The following ZSCAN25 variants were observed in gnomAD, a reference collection of about 807,000 sequenced individuals.
ZSCAN25 encodes zinc finger and SCAN domain containing 25, also known as zinc finger and SCAN domain-containing protein 25.
A neutral mutation model predicts 38.7 loss-of-function variants in ZSCAN25; 27 were observed. The observed-to-expected ratio is 0.70, with a 90% CI of 0.51 to 0.96. The LOEUF is 0.96. ZSCAN25 is among the 40% of genes least tolerant of loss of function. ZSCAN25 has a pLI of 0.00. For missense variants in ZSCAN25, 637 were observed against 705.9 expected (o/e 0.90, Z 1.11); for synonymous variants, 273 against 277.7 (o/e 0.98, Z 0.17).
chr7:99,725,208 T>G, the ZSCAN25 span, among the ~76,000 whole-genome samples: 1 of 152,304 alleles, frequency 6.6e-6, no homozygotes, highest in African/African-American at 2.4e-5. Flanking sequence ...GCACCTACCA[T>G]TAGATGCTTC....
chr7:99,702,621 C>G, the ZSCAN25 span, among the ~76,000 whole-genome samples: 1 of 152,130 alleles, frequency 6.6e-6, no homozygotes, highest in Admixed American at 6.5e-5. Flanking sequence ...TGTTTTTATA[C>G]AAACACCATA....
At chr7:99,635,228 A>G (rs1808224674), downstream of ZSCAN25, among the ~76,000 whole-genome samples, 1 of 152,042 alleles carries the variant, frequency 6.6e-6, no homozygotes, top group Non-Finnish European at 1.5e-5. Context: ...ACCATAAAGA[A>G]CACAGTTTCA....
At chr7:99,666,455 C>T in the ZSCAN25 span, 19 of 823,704 alleles carry the variant, frequency 2.3e-5, no homozygotes, top group African/African-American at 6.7e-5. Context: ...GGAGCCACTC[C>T]CTCTTAGGTG....
At chr7:99,663,093 C>T in the ZSCAN25 span, 1 of 1,295,860 alleles carries the variant, frequency 7.7e-7, no homozygotes, top group East Asian at 3.4e-5. Flanking sequence ...ATCTAGCTAT[C>T]ATGTCCAATT....
At chr7:99,679,256 G>T in the ZSCAN25 span, among the ~76,000 whole-genome samples, 5 of 152,164 alleles carry the variant, frequency 3.3e-5, no homozygotes, top group African/African-American at 1.2e-4. Flanking sequence ...ACAGGAAAGA[G>T]GGAAGAGCCA....
chr7:99,651,174 A>G, the ZSCAN25 span, among the ~76,000 whole-genome samples: 1 of 152,198 alleles, frequency 6.6e-6, no homozygotes, highest in South Asian at 2.1e-4. Flanking sequence ...AACCAGTGAT[A>G]GATATATGGA....
At chr7:99,674,523 G>A in the ZSCAN25 span, 1 of 1,612,638 alleles carries the variant, frequency 6.2e-7, no homozygotes, top group African/African-American at 1.3e-5. Context: ...GAGGTTTTCA[G>A]AATACTCACC....
At chr7:99,672,855 A>G in the ZSCAN25 span, 1 of 1,417,026 alleles carries the variant, frequency 7.1e-7, no homozygotes. Flanking sequence ...AGAGTCTCAC[A>G]CAGGAGCCAC....
the ZSCAN25 span, chr7:99,677,087 A>G: frequency 1.4e-6 from 1 of 710,072 alleles, no homozygotes; most frequent in South Asian, 6.3e-5. Flanking sequence ...CTGTACGTGA[A>G]GTATCTCTGA....
the ZSCAN25 span, among the ~76,000 whole-genome samples, chr7:99,688,815 G>A: frequency 3.3e-5 from 5 of 152,128 alleles, no homozygotes; most frequent in Non-Finnish European, 7.4e-5. Flanking sequence ...ATAACAAACT[G>A]TCTCTCAGAC....
chr7:99,642,646 C>T, the ZSCAN25 span, among the ~76,000 whole-genome samples: 2 of 152,230 alleles, frequency 1.3e-5, no homozygotes, highest in Non-Finnish European at 2.9e-5. Context: ...CACAACCCTT[C>T]TACAGTAGCA....
chr7:99,626,184 C>G (rs759278589), intron 7 of ZSCAN25, among the ~76,000 whole-genome samples: 1 of 152,146 alleles, frequency 6.6e-6, no homozygotes, highest in Non-Finnish European at 1.5e-5. Context: ...ATCACAGAGG[C>G]AAAAAGTAGC....
the ZSCAN25 span, chr7:99,709,070 C>T: frequency 1.2e-6 from 2 of 1,613,860 alleles, no homozygotes; most frequent in Non-Finnish European, 8.5e-7. Flanking sequence ...CTGTCCAGTA[C>T]TTTGGGTCAT....
chr7:99,680,307 G>A, the ZSCAN25 span, among the ~76,000 whole-genome samples: 91 of 152,126 alleles, frequency 6.0e-4, no homozygotes, highest in African/African-American at 2.0e-3. Flanking sequence ...CTTTACCCAC[G>A]AAATTCCCTC....
chr7:99,695,973 T>C, the ZSCAN25 span: 1 of 687,064 alleles, frequency 1.5e-6, no homozygotes, highest in East Asian at 2.7e-5. Flanking sequence ...TAACAGTAAC[T>C]CTGACAGCAA....
At chr7:99,717,638 G>A in the ZSCAN25 span, 2 of 1,613,410 alleles carry the variant, frequency 1.2e-6, no homozygotes, top group South Asian at 1.1e-5. Context: ...TGGCCCGAAA[G>A]GCTAGAGTTC....
chr7:99,622,876 G>A (rs763528253), intron 6 of ZSCAN25, among the ~76,000 whole-genome samples: 1 of 152,186 alleles, frequency 6.6e-6, no homozygotes, highest in Non-Finnish European at 1.5e-5. Flanking sequence ...GCACGGTCTT[G>A]GCTCACTGCA....
chr7:99,631,640 T>C lies in ZSCAN25; in HGVS notation c.*1620T>C. The stretch of plus-strand genomic sequence containing the variant: ...GAGATTTTTTTTTTTCATTTTCCAT[T>C]GTAAATAAGGTAAATGGTAATGACT... On this transcript the variant is annotated 3_prime_UTR_variant, in exon 8 of 8. Transcript: ENST00000394152. 1 of 985,320 alleles carries C rather than the reference T, an allele frequency of 1.0e-6. No individual in the cohort carries two copies. The highest frequency in any genetic ancestry group is 1.2e-6 in the Non-Finnish European group (1 of 829,892). 61.0% of individuals were successfully genotyped at this position (985,320 alleles called of 1,614,324 possible). A position where few individuals can be genotyped will look rare whatever the true frequency, so the allele number is the denominator to read the frequency against.
At chr7:99,687,452 C>T in the ZSCAN25 span, among the ~76,000 whole-genome samples, 22 of 151,956 alleles carry the variant, frequency 1.4e-4, 1 homozygote, top group African/African-American at 2.9e-4. Context: ...TGAAATAAAG[C>T]GAGAAGGGAA....
Sources: gnomAD v4.1 joint callset for allele counts (sites outside exome capture counted in the v4.1 genomes callset) on GRCh38, gnomAD v4.1.1 for gene constraint, MANE v1.5 for transcripts, NCBI Gene and HGNC (gene_info 2026-07-23, HGNC 2026-07-21) for gene names.